Variants in INTS6 observed in about 807,000 individuals in gnomAD.
INTS6 encodes the protein integrator complex subunit 6.
INTS6 carries 16 observed loss-of-function variants against 104.9 expected under a neutral mutation model. The ratio of observed to expected loss-of-function variants is 0.15; its 90% CI spans 0.10 to 0.23. The LOEUF (loss-of-function observed/expected upper bound fraction) is 0.23. INTS6 is among the 10% of genes least tolerant of loss of function. The pLI, the probability that INTS6 is intolerant of heterozygous loss-of-function variation, is 1.00. For missense variants in INTS6, 584 were observed against 1,062.8 expected (o/e 0.55, Z 6.26); for synonymous variants, 324 against 358.7 (o/e 0.90, Z 1.09).
rs1333065801 is a variant in INTS6, at chr13:51,364,297, CTT to C, written c.*1453_*1454del. The C allele has an allele frequency of 1.4e-6, 2 of 1,405,174 alleles. No homozygotes were observed. Among genetic ancestry groups the C allele is most frequent in the Non-Finnish European group, 1.9e-6 (2 of 1,038,542 alleles). The allele number at this position is 1,405,174 out of a possible 1,614,324, so 87.0% of individuals were successfully genotyped here. ...CCCTAGACTAAATGCATGTTCTCCA[CTT>C]TCATCAATGCTTTTCTTCATAAAGT... On this transcript the variant is annotated 3_prime_UTR_variant, in exon 18 of 18. Transcript: ENST00000311234.
At chr13:51,409,243 A>G (rs1956635902) in intron 4 of INTS6, among the ~76,000 whole-genome samples, 1 of 148,676 alleles carries the variant, frequency 6.7e-6, no homozygotes, top group African/African-American at 2.5e-5. Context: ...AGCCTGGGTG[A>G]CAGAGTGAGA....
rs182250831 is a variant in INTS6 at position 51,430,469 on chromosome 13, C to G, written c.340-86G>C. The stretch of plus-strand genomic sequence containing the variant: ...GTCAATTCTCAGAACAGCATATATA[C>G]GATCTCCCTTTCTAGTTTCATTTTA... On this transcript the variant is annotated intron_variant, in intron 3 of 17. Transcript: ENST00000311234. 2.3e-5 allele frequency: 21 copies of G among 901,150 alleles called. No individual in the cohort carries two copies. The African/African-American group carries it at 3.5e-4, about 15-fold the overall frequency. 55.8% of individuals were successfully genotyped at this position (901,150 alleles called of 1,614,324 possible).
At chr13:51,357,338 C>T (rs569525806), downstream of INTS6, among the ~76,000 whole-genome samples, 2 of 152,290 alleles carry the variant, frequency 1.3e-5, no homozygotes, top group South Asian at 4.1e-4. Context: ...ACTCACCACA[C>T]ATCTTAATTG....
chr13:51,412,523 T>C (rs1429837674), intron 4 of INTS6, among the ~76,000 whole-genome samples: 1 of 152,156 alleles, frequency 6.6e-6, no homozygotes, highest in Non-Finnish European at 1.5e-5. Flanking sequence ...ACACAAAAGA[T>C]GCAGCACAGA....
Position 51,383,335 on chromosome 13 carries a change from G to C in INTS6, c.1174C>G (p.Leu392Val). The change falls in exon 9 of 18, where the codon CTC (leucine) becomes GTC (valine). Residue 392 changes from leucine to valine, a missense_variant. Leu to Val is a conservative substitution (Grantham distance 32). Around this residue, in one of 5 missense-constraint regions of INTS6, gnomAD observed 144 missense variants for 348.7 expected, o/e 0.41. Coordinates refer to ENST00000311234, the MANE Select transcript of INTS6 (RefSeq NM_012141.3). ...MPYNYPVLLP[L>V]LDDLFKVHKA... Reference sequence around the variant, plus strand: ...AGTGACAAGAATGACTTACCTAAGAGGGGAAGAAGGACTGGATAATTGTAA... The same window carrying C: ...AGTGACAAGAATGACTTACCTAAGACGGGAAGAAGGACTGGATAATTGTAA... 6.2e-7 allele frequency: 1 copy of C among 1,609,668 alleles called. No homozygotes were observed. The highest frequency in any genetic ancestry group is 8.5e-7 in the Non-Finnish European group (1 of 1,177,840).
Position 51,376,125 on chromosome 13 carries a change from T to C in INTS6, c.1652A>G (p.Asn551Ser). 1.2e-6 allele frequency: 2 copies of C among 1,612,494 alleles called. No individual in the cohort carries two copies. The highest frequency in any genetic ancestry group is 1.7e-6 in the Non-Finnish European group (2 of 1,179,314). The change falls in exon 13 of 18, where the codon AAT becomes AGT. Residue 551 changes from asparagine to serine, a missense_variant. By Grantham distance (46) the Asn-to-Ser change is conservative. Coordinates refer to ENST00000311234, the MANE Select transcript of INTS6 (RefSeq NM_012141.3). ...CATTCTTGTTAAGTGATCCAAAAGA[T>C]TTCGTCTTGGTATGTCATAAGCATT... The part of the protein sequence containing the change: ...FRNAYDIPRR[N>S]LLDHLTRMRS...
At chr13:51,435,318 TACTTACTA>T (rs1957167213) in intron 3 of INTS6, among the ~76,000 whole-genome samples, 1 of 152,018 alleles carries the variant, frequency 6.6e-6, no homozygotes, top group African/African-American at 2.4e-5. Context: ...GCTCTAGAGC[TACTTACTA>T]ACAGGAGTCA....
chr13:51,413,967 A>G (rs1016903501), intron 4 of INTS6, among the ~76,000 whole-genome samples: 1 of 152,062 alleles, frequency 6.6e-6, no homozygotes, highest in African/African-American at 2.4e-5. Flanking sequence ...AAACCCCCCA[A>G]ATTTTAACTG....
intron 5 of INTS6, among the ~76,000 whole-genome samples, chr13:51,391,392 A>T (rs1380434151): frequency 6.6e-6 from 1 of 152,194 alleles, no homozygotes. Context: ...ATATTTTACA[A>T]AAATTGGAGA....
intron 4 of INTS6, among the ~76,000 whole-genome samples, chr13:51,410,142 G>C (rs2138028534): frequency 6.6e-6 from 1 of 152,224 alleles, no homozygotes; most frequent in African/African-American, 2.4e-5. Flanking sequence ...AAGGTAAAAA[G>C]TGTCATTTTT....
intron 4 of INTS6, among the ~76,000 whole-genome samples, chr13:51,403,872 T>C (rs1352209151): frequency 6.6e-6 from 1 of 152,032 alleles, no homozygotes; most frequent in Non-Finnish European, 1.5e-5. Flanking sequence ...GTAAAAGAGA[T>C]GCAAAGCTAG....
chr13:51,343,396 G>GTTC, the INTS6 span, among the ~76,000 whole-genome samples: 1 of 152,202 alleles, frequency 6.6e-6, no homozygotes, highest in Non-Finnish European at 1.5e-5. Context: ...AAGAGCCCTC[G>GTTC]TTCCAGCTAT....
intron 7 of INTS6, chr13:51,384,527 C>T (rs919705115): frequency 4.7e-6 from 2 of 425,630 alleles, no homozygotes; most frequent in Admixed American, 5.0e-5. Flanking sequence ...GGCCAGATGG[C>T]TCCTATTTCT....
intron 3 of INTS6, among the ~76,000 whole-genome samples, chr13:51,354,592 A>T (rs1230641699): frequency 9.8e-6 from 1 of 101,938 alleles, no homozygotes; most frequent in Non-Finnish European, 2.2e-5. Context: ...CCCATCTCAG[A>T]AAAAAAAAAA....
the INTS6 span, chr13:51,339,263 G>C: frequency 6.6e-6 from 1 of 152,236 alleles, no homozygotes; most frequent in South Asian, 2.1e-4. Context: ...TTCATTTGCT[G>C]AAAGTTTTAA....
intron 3 of INTS6, chr13:51,354,899 A>T: frequency 1.6e-6 from 1 of 611,018 alleles, no homozygotes; most frequent in Non-Finnish European, 3.0e-6. Context: ...GGCTTATGGG[A>T]AGGCGCCATG....
In INTS6 at chr13:51,364,503, C is replaced by T. The variant is rs945043106; in HGVS notation, c.*1249G>A. On this transcript the variant is annotated 3_prime_UTR_variant, in exon 18 of 18. Coordinates refer to ENST00000311234, the MANE Select transcript of INTS6 (RefSeq NM_012141.3). ...TTTTGACCTTCTTTTCTACTGCTTA[C>T]CCCCCAAACCACTAAAAGGCACAGC... The T allele has an allele frequency of 2.3e-6, 1 of 438,698 alleles. No individual in the cohort carries two copies. Among genetic ancestry groups the T allele is most frequent in the Non-Finnish European group, 4.0e-6 (1 of 247,924 alleles). The allele number at this position is 438,698 out of a possible 1,614,324, so 27.2% of individuals were successfully genotyped here. A position where few individuals can be genotyped will look rare whatever the true frequency, so the allele number is the denominator to read the frequency against.
chr13:51,414,115 ACTCCTTCC>A (rs1332556183), intron 4 of INTS6, among the ~76,000 whole-genome samples: 9 of 152,198 alleles, frequency 5.9e-5, no homozygotes, highest in African/African-American at 2.2e-4. Context: ...GTGTGCCTTT[ACTCCTTCC>A]CACAGGCTGA....
chr13:51,385,611 A>G (rs1321786990), intron 7 of INTS6, among the ~76,000 whole-genome samples: 1 of 152,232 alleles, frequency 6.6e-6, no homozygotes, highest in African/African-American at 2.4e-5. Flanking sequence ...TACAAAAGAT[A>G]ACCAAAGGTA....
Sources: gnomAD v4.1 joint callset for allele counts (sites outside exome capture counted in the v4.1 genomes callset) on GRCh38, gnomAD v4.1.1 for gene constraint, gnomAD v4.1.1 regional missense constraint, MANE v1.5 for transcripts, NCBI Gene and HGNC (gene_info 2026-07-23, HGNC 2026-07-21) for gene names.